Variants in CCDC40 observed in about 807,000 individuals in gnomAD.
CCDC40 encodes the protein coiled-coil domain-containing protein 40.
Under a neutral mutation model 124.5 loss-of-function variants are expected in CCDC40, and 104 were observed. The ratio of observed to expected loss-of-function variants is 0.84; its 90% confidence interval spans 0.71 to 0.98. The LOEUF is 0.98. CCDC40 is among the 50% of genes least tolerant of loss of function. The pLI is 0.00. For missense variants in CCDC40, 1,463 were observed against 1,503.9 expected, an observed-to-expected ratio of 0.97 and a Z score of 0.45; for synonymous variants, 580 against 602.9, an observed-to-expected ratio of 0.96 and a Z score of 0.56.
chr17:80,077,499 G>A (rs534492849), intron 10 of CCDC40, among the ~76,000 whole-genome samples: 40 of 152,318 alleles, frequency 2.6e-4, no homozygotes, highest in African/African-American at 9.1e-4. Context: ...CTCCAGCCTG[G>A]GTGACAGAGC....
intron 12 of CCDC40, 46 bp downstream of exon 12, chr17:80,082,104 C>G (rs772800294): frequency 7.6e-6 from 12 of 1,585,812 alleles, no homozygotes; most frequent in Non-Finnish European, 1.0e-5. Context: ...CCCCTGCAGC[C>G]TGGGCATATG....
intron 10 of CCDC40, among the ~76,000 whole-genome samples, chr17:80,074,031 G>T (rs1005229778): frequency 2.6e-5 from 4 of 152,178 alleles, no homozygotes; most frequent in Non-Finnish European, 4.4e-5. Flanking sequence ...AGCTTCATGA[G>T]GAAGGCATGT....
chr17:80,057,931 C>T (rs149814313), intron 7 of CCDC40, among the ~76,000 whole-genome samples: 79 of 152,234 alleles, frequency 5.2e-4, no homozygotes, highest in African/African-American at 1.8e-3. Context: ...ATCAGTTCCT[C>T]GGGCCTTGGC....
intron 1 of CCDC40, among the ~76,000 whole-genome samples, chr17:80,037,155 G>C (rs771904216): frequency 2.6e-5 from 4 of 152,184 alleles, no homozygotes; most frequent in Non-Finnish European, 2.9e-5. Flanking sequence ...CTCCTGCAAG[G>C]ACAGATCCCC....
intron 5 of CCDC40, among the ~76,000 whole-genome samples, chr17:80,049,449 T>C (rs192591302): frequency 0.015 from 2,215 of 148,170 alleles, 55 homozygotes; most frequent in African/African-American, 0.052. Flanking sequence ...CATTGCCAAA[T>C]GTTGGCGGTG....
At position 80,084,820 on chromosome 17, in the gene CCDC40, C is replaced by T. The variant is rs765374707; in HGVS notation, c.2067C>T (p.Asp689=). Residue 689 remains aspartate, a synonymous_variant, in exon 13 of 20, where the codon GAC becomes GAT. Transcript: ENST00000397545. ...TCACACACACCAGCAGCAGGCTGGA[C>T]GCACACCAGAAGACCCTGGTGGAGC... ...LDITHTSSRL[D]AHQKTLVELD... 9 of 1,614,154 alleles carry T rather than the reference C, an allele frequency of 5.6e-6. No individual in the cohort carries two copies. Among genetic ancestry groups the T allele is most frequent in the Non-Finnish European group, 6.8e-6 (8 of 1,180,032 alleles).
intron 17 of CCDC40, chr17:80,090,856 A>T: frequency 9.3e-7 from 1 of 1,080,614 alleles, no homozygotes; most frequent in Non-Finnish European, 1.2e-6. Context: ...TTTTCAGATC[A>T]AGTGCATATG....
chr17:80,098,372 CCG>C (rs751076648), intron 19 of CCDC40, among the ~76,000 whole-genome samples: 10 of 152,238 alleles, frequency 6.6e-5, no homozygotes, highest in Non-Finnish European at 1.3e-4. Context: ...TAGCGGGCTC[CCG>C]CGCGCTCTAA....
At chr17:80,045,313 A>T (rs767015239) in intron 3 of CCDC40, among the ~76,000 whole-genome samples, 1 of 152,184 alleles carries the variant, frequency 6.6e-6, no homozygotes, top group Non-Finnish European at 1.5e-5. Context: ...TGTGTTGTTT[A>T]TGGGCAGCAA....
chr17:80,069,473 C>T (rs1201609008), intron 10 of CCDC40, among the ~76,000 whole-genome samples: 1 of 152,158 alleles, frequency 6.6e-6, no homozygotes, highest in Non-Finnish European at 1.5e-5. Flanking sequence ...GGGTCAGGCG[C>T]GGTGGCTCAC....
At chr17:80,041,923 C>T (rs1032124561) in intron 3 of CCDC40, among the ~76,000 whole-genome samples, 4 of 152,248 alleles carry the variant, frequency 2.6e-5, no homozygotes, top group East Asian at 1.9e-4. Flanking sequence ...CATTGTGAAG[C>T]GACCTTTTAC....
chr17:80,065,435 C>A (rs367969634), intron 9 of CCDC40, 50 bp from the exon 10 acceptor site: 4 of 1,611,546 alleles, frequency 2.5e-6, no homozygotes, highest in Non-Finnish European at 3.4e-6. Flanking sequence ...GGGCTTTGCT[C>A]GCAAATGAAA....
At position 80,067,951 on chromosome 17, in the gene CCDC40, C is replaced by A. The variant is rs140760809; in HGVS notation, c.1562+2345C>A. Reference sequence around the variant, plus strand: ...ACTATGTACACGCACAAACACTTCACAACGAGTGAGAGAGCCTCTGACTTC... The same window carrying A: ...ACTATGTACACGCACAAACACTTCAAAACGAGTGAGAGAGCCTCTGACTTC... On this transcript the variant is annotated intron_variant, in intron 10 of 19. Transcript: ENST00000397545. 396 of 1,147,132 alleles carry A rather than the reference C, an allele frequency of 3.5e-4. 3 individuals carry two copies. In the African/African-American group the frequency reaches 5.8e-3, roughly 17 times the overall value. The allele number at this position is 1,147,132 out of a possible 1,614,324, so 71.1% of individuals were successfully genotyped here.
In CCDC40 at chr17:80,099,694, C is replaced by T. The variant is rs377559639; in HGVS notation, c.3348C>T (p.Asp1116=). The change falls in exon 20 of 20, where the codon GAC becomes GAT. Residue 1116 remains aspartate (D), a synonymous_variant. Coordinates refer to ENST00000397545, the MANE Select transcript of CCDC40 (RefSeq NM_017950.4). ...LIATILDRVR[D]EYPQFQEALH... The stretch of plus-strand genomic sequence containing the variant: ...CCACCATCCTGGACCGCGTGCGGGA[C>T]GAGTACCCCCAGTTCCAGGAGGCCC... The T allele has an allele frequency of 1.9e-5, 30 of 1,613,732 alleles. No homozygotes were observed. The African/African-American group carries it at 3.3e-4, about 18-fold the overall frequency.
rs777301145 is a variant in CCDC40, at chr17:80,058,772, C to A, written c.1318-86C>A. The A allele has an allele frequency of 1.7e-5, 27 of 1,607,854 alleles. No homozygotes were observed. The highest frequency in any genetic ancestry group is 2.2e-5 in the Non-Finnish European group (26 of 1,174,910). ...GAGGGGTGGCGGCCGGCCTGGGTGG[C>A]GTCAACTTGTATCAAGGGTTGGTGG... On this transcript the variant is annotated intron_variant, in intron 8 of 19. Coordinates refer to ENST00000397545, the MANE Select transcript of CCDC40 (RefSeq NM_017950.4). This position sits in a 1 kb window ranked among gnomAD's most constrained non-coding sequence, Gnocchi z 4.2.
intron 9 of CCDC40, among the ~76,000 whole-genome samples, chr17:80,061,401 T>G (rs62074551): frequency 0.44 from 67,062 of 151,942 alleles, 16,293 homozygotes; most frequent in Middle Eastern, 0.63. Context: ...AATAAAACCT[T>G]TGTAGATTAA....
At chr17:80,041,429 A>C (rs2037279264) in intron 3 of CCDC40, among the ~76,000 whole-genome samples, 1 of 151,776 alleles carries the variant, frequency 6.6e-6, no homozygotes, top group South Asian at 2.1e-4. Context: ...AATCACTTGA[A>C]CTGGAGAGGC....
In CCDC40 at chr17:80,067,656, G is replaced by GTAGA. The variant is rs1294029731; in HGVS notation, c.1562+2053_1562+2056dup. On this transcript the variant is annotated intron_variant, in intron 10 of 19. Transcript: ENST00000397545. The stretch of plus-strand genomic sequence containing the variant: ...GTCCGTCTGTTATGGCGGTGCTGCT[G>GTAGA]TAGATAACCGGATCCGCGAATGCTA... 2.6e-6 allele frequency: 4 copies of GTAGA among 1,535,990 alleles called. No homozygotes were observed. In the East Asian group the frequency reaches 7.3e-5, roughly 28 times the overall value.
At chr17:80,073,379 T>C (rs1431564317) in intron 10 of CCDC40, among the ~76,000 whole-genome samples, 1 of 152,254 alleles carries the variant, frequency 6.6e-6, no homozygotes, top group Non-Finnish European at 1.5e-5. Context: ...TTCCTGCCTC[T>C]GCACCACATG....
Sources: allele counts gnomAD v4.1 joint callset (sites outside exome capture counted in the v4.1 genomes callset), GRCh38; gene constraint gnomAD v4.1.1; non-coding constraint Gnocchi (gnomAD v3.1); transcripts MANE v1.5; gene names NCBI Gene and HGNC (gene_info 2026-07-23, HGNC 2026-07-21).